Variants in EFHC1 observed in about 807,000 individuals in gnomAD.
The protein encoded by EFHC1 is EF-hand domain-containing protein 1.
In EFHC1, 53 loss-of-function variants were observed where a neutral mutation model predicts 69.9. The observed-to-expected ratio is 0.76, with a 90% CI of 0.61 to 0.95. The LOEUF (loss-of-function observed/expected upper bound fraction) is 0.95. EFHC1 is among the 40% of genes least tolerant of loss of function. EFHC1 has a pLI of 0.00. For synonymous variants in EFHC1, 256 were observed against 278.4 expected, an observed-to-expected ratio of 0.92 and a Z score of 0.80; for missense variants, 739 against 798.7, an observed-to-expected ratio of 0.93 and a Z score of 0.90.
intron 4 of EFHC1, chr6:52,453,695 G>A (rs572897216): frequency 1.6e-6 from 2 of 1,250,488 alleles, no homozygotes; most frequent in South Asian, 2.8e-5. Context: ...AAAAAAGACT[G>A]GTTAATAAAT....
intron 1 of EFHC1, among the ~76,000 whole-genome samples, chr6:52,421,775 T>G (rs1764196166): frequency 6.6e-6 from 1 of 152,244 alleles, no homozygotes; most frequent in Non-Finnish European, 1.5e-5. Context: ...TTCAGTGGAC[T>G]TTTCAGTTTT....
chr6:52,482,415 A>C (rs1471867974), intron 9 of EFHC1: 1 of 164,900 alleles, frequency 6.1e-6, no homozygotes, highest in Non-Finnish European at 1.3e-5. Context: ...AAAAAATAGT[A>C]AAACTAATTT....
chr6:52,495,779 T>A lies in EFHC1; in HGVS notation c.*3438T>A. The A allele has an allele frequency of 1.1e-5, 4 of 358,072 alleles. No individual in the cohort carries two copies. The highest frequency in any genetic ancestry group is 2.2e-5 in the Non-Finnish European group (4 of 183,266). 22.2% of individuals were successfully genotyped at this position (358,072 alleles called of 1,614,324 possible). A position where few individuals can be genotyped will look rare whatever the true frequency, so the allele number is the denominator to read the frequency against. On this transcript the variant is annotated 3_prime_UTR_variant, in exon 11 of 11. Coordinates refer to ENST00000371068, the MANE Select transcript of EFHC1 (RefSeq NM_018100.4). ...TAAAGTTGGCACTGTCCACATACACTCCTTAAGTTTGCTGTCCACTTCTTG... is the reference window on the plus strand; with the variant it reads ...TAAAGTTGGCACTGTCCACATACACACCTTAAGTTTGCTGTCCACTTCTTG...
intron 3 of EFHC1, among the ~76,000 whole-genome samples, chr6:52,445,809 T>C (rs1764770989): frequency 6.6e-6 from 1 of 152,208 alleles, no homozygotes; most frequent in Non-Finnish European, 1.5e-5. Flanking sequence ...GCCTTCATTT[T>C]GTCATGTACC....
In EFHC1 at chr6:52,438,447, C is replaced by A. The variant is rs1014611984; in HGVS notation, c.429C>A (p.Ile143=). Residue 143 remains isoleucine (I), a synonymous_variant, in exon 3 of 11, where the codon ATC becomes ATA. Transcript: ENST00000371068. ...AGCCTGTTGTAGAAAATTCTGGAATCCTTCAAGGCAAGTTAATAAAACGCC... is the reference window on the plus strand; with the variant it reads ...AGCCTGTTGTAGAAAATTCTGGAATACTTCAAGGCAAGTTAATAAAACGCC... ...VIEPVVENSG[I]LQGKLIKRQR... 4 of 1,613,942 alleles carry A rather than the reference C, an allele frequency of 2.5e-6. No homozygotes were observed. The highest frequency in any genetic ancestry group is 1.6e-4 in the Middle Eastern group (1 of 6,082).
chr6:52,435,348 T>C (rs1246299618), intron 2 of EFHC1, among the ~76,000 whole-genome samples: 1 of 152,218 alleles, frequency 6.6e-6, no homozygotes, highest in Non-Finnish European at 1.5e-5. Flanking sequence ...TGCATTATCC[T>C]TGAATGTTCT....
intron 7 of EFHC1, among the ~76,000 whole-genome samples, chr6:52,478,443 C>CT (rs1765592508): frequency 6.6e-6 from 1 of 152,090 alleles, no homozygotes; most frequent in East Asian, 1.9e-4. Context: ...AAGAAAAAGT[C>CT]TTGTCTACAA....
chr6:52,459,432 TG>T (rs1765112873), intron 5 of EFHC1, among the ~76,000 whole-genome samples: 1 of 152,178 alleles, frequency 6.6e-6, no homozygotes, highest in Admixed American at 6.5e-5. Flanking sequence ...AAAGCATGCA[TG>T]TATGACAAGT....
At chr6:52,451,095 T>C (rs1451406582) in intron 3 of EFHC1, among the ~76,000 whole-genome samples, 1 of 152,214 alleles carries the variant, frequency 6.6e-6, no homozygotes, top group Non-Finnish European at 1.5e-5. Flanking sequence ...CCACCATGCC[T>C]GGCCTCTGTG....
chr6:52,484,336 ATC>A (rs2114029801), intron 9 of EFHC1: 1 of 152,376 alleles, frequency 6.6e-6, no homozygotes, highest in Non-Finnish European at 1.5e-5. Context: ...TAGAAATTGT[ATC>A]TGAAAAATTT....
intron 9 of EFHC1, chr6:52,482,269 G>T (rs1765696098): frequency 6.6e-6 from 1 of 152,088 alleles, no homozygotes; most frequent in Non-Finnish European, 1.5e-5. Context: ...CTTGAACCCA[G>T]GAGGCGGAGG....
In EFHC1 at chr6:52,493,818, G is replaced by A; in HGVS notation, c.*1477G>A. On this transcript the variant is annotated 3_prime_UTR_variant, in exon 11 of 11. Transcript: ENST00000371068. ...AGCCACTAAGTTCATCTTTAAACAT[G>A]CTATCTCAAATTCCCCGAAGCCACC... The A allele has an allele frequency of 2.2e-6, 1 of 454,038 alleles. No individual in the cohort carries two copies. The highest frequency in any genetic ancestry group is 4.4e-6 in the Non-Finnish European group (1 of 226,780). 28.1% of individuals were successfully genotyped at this position (454,038 alleles called of 1,614,324 possible).
chr6:52,492,895 G>A lies in EFHC1; in HGVS notation c.*554G>A, dbSNP rs1184368434. ...GCCTCCAAAAGTGCTGGGATTATAG[G>A]CATGAGCCACTGTGCCCAGCCTCAG... On this transcript the variant is annotated 3_prime_UTR_variant, in exon 11 of 11. Coordinates refer to ENST00000371068, the MANE Select transcript of EFHC1 (RefSeq NM_018100.4). 1 of 454,014 alleles carries A rather than the reference G, an allele frequency of 2.2e-6. No homozygotes were observed. The highest frequency in any genetic ancestry group is 6.9e-5 in the East Asian group (1 of 14,400). 28.1% of individuals were successfully genotyped at this position (454,014 alleles called of 1,614,324 possible). A position where few individuals can be genotyped will look rare whatever the true frequency, so the allele number is the denominator to read the frequency against.
At chr6:52,439,671 G>C (rs150380259) in intron 3 of EFHC1, among the ~76,000 whole-genome samples, 1,911 of 152,216 alleles carry the variant, frequency 0.013, 15 homozygotes, top group Non-Finnish European at 0.019. Flanking sequence ...AAGTTGAGGG[G>C]CTCTTTATAG....
At position 52,452,675 on chromosome 6, in the gene EFHC1, T is replaced by G; in HGVS notation, c.574-13T>G. On this transcript the variant is annotated splice_polypyrimidine_tract_variant and intron_variant, in intron 3 of 10. Coordinates refer to ENST00000371068, the MANE Select transcript of EFHC1 (RefSeq NM_018100.4). The stretch of plus-strand genomic sequence containing the variant: ...CCAAGAAAGATGATCATTGTTAACT[T>G]TCAATTATTTAGGTATTTTTAGAAA... 3.7e-6 allele frequency: 6 copies of G among 1,613,900 alleles called. No individual in the cohort carries two copies. The highest frequency in any genetic ancestry group is 4.2e-6 in the Non-Finnish European group (5 of 1,179,788).
intron 3 of EFHC1, among the ~76,000 whole-genome samples, chr6:52,440,282 C>CT: frequency 6.6e-6 from 1 of 152,126 alleles, no homozygotes; most frequent in South Asian, 2.1e-4. Context: ...GATTCATTAA[C>CT]ATTAAACTCA....
intron 9 of EFHC1, chr6:52,480,103 T>A: frequency 1.8e-6 from 1 of 571,354 alleles, no homozygotes; most frequent in Non-Finnish European, 3.1e-6. Flanking sequence ...CTCTTGACTG[T>A]AAGCCTTACT....
chr6:52,480,104 A>G (rs1394036555), intron 9 of EFHC1: 3 of 570,952 alleles, frequency 5.3e-6, no homozygotes, highest in Non-Finnish European at 9.3e-6. Context: ...TCTTGACTGT[A>G]AGCCTTACTG....
At chr6:52,446,138 C>CTGTCTAA (rs1764778996) in intron 3 of EFHC1, among the ~76,000 whole-genome samples, 1 of 152,168 alleles carries the variant, frequency 6.6e-6, no homozygotes, top group Non-Finnish European at 1.5e-5. Flanking sequence ...TCTTGTTGAT[C>CTGTCTAA]TGTCTAATGT....
Sources: allele counts gnomAD v4.1 joint callset (sites outside exome capture counted in the v4.1 genomes callset), GRCh38; gene constraint gnomAD v4.1.1; transcripts MANE v1.5; gene names NCBI Gene and HGNC (gene_info 2026-07-23, HGNC 2026-07-21).